The following ABL1 variants were observed in gnomAD, a reference collection of about 807,000 sequenced individuals.
The protein encoded by ABL1 is tyrosine-protein kinase ABL1.
ABL1 carries 11 observed loss-of-function variants against 94.7 expected under a neutral mutation model. The ratio of observed to expected loss-of-function variants is 0.12; its 90% CI spans 0.07 to 0.19. ABL1 has a LOEUF of 0.19. ABL1 is among the 10% of genes least tolerant of loss of function. The pLI, the probability that ABL1 is intolerant of heterozygous loss-of-function variation, is 1.00. For missense variants in ABL1, 1,082 were observed against 1,489.4 expected (o/e 0.73, Z 4.50); for synonymous variants, 656 against 622.4 (o/e 1.05, Z -0.80).
chr9:130,804,508 C>T (rs998060063), intron 1 of ABL1, among the ~76,000 whole-genome samples: 8 of 152,092 alleles, frequency 5.3e-5, no homozygotes, highest in Admixed American at 2.6e-4. Context: ...CGCTTGAACC[C>T]GGGAGGTGGA....
chr9:130,834,066 T>G (rs902818165), upstream of ABL1: 8 of 456,126 alleles, frequency 1.8e-5, no homozygotes, highest in East Asian at 6.9e-5. Context: ...TCCGCCTGTT[T>G]CCAGCTGTGG....
chr9:130,793,172 C>T (rs1039524489), intron 1 of ABL1, among the ~76,000 whole-genome samples: 13 of 152,158 alleles, frequency 8.5e-5, no homozygotes, highest in Admixed American at 4.6e-4. Context: ...GTGATCTGCC[C>T]GCCTCAGTCT....
chr9:130,730,150 T>A (rs1831644866), intron 1 of ABL1, among the ~76,000 whole-genome samples: 1 of 151,516 alleles, frequency 6.6e-6, no homozygotes, highest in Non-Finnish European at 1.5e-5. Flanking sequence ...TTCAAGTGAT[T>A]CCCCTGCCTC....
At chr9:130,883,873 T>C in intron 10 of ABL1, 96 bp from the exon 11 acceptor site, 1 of 1,423,418 alleles carries the variant, frequency 7.0e-7, no homozygotes, top group Non-Finnish European at 9.5e-7. Flanking sequence ...TGGGCTGGAG[T>C]GCAGCAGTGG....
At chr9:130,882,881 A>C (rs929085790) in intron 10 of ABL1, among the ~76,000 whole-genome samples, 3 of 152,122 alleles carry the variant, frequency 2.0e-5, no homozygotes, top group Non-Finnish European at 4.4e-5. Context: ...AAGAGTGCCC[A>C]TTAAAAAACT....
chr9:130,760,535 G>A lies in ABL1; in HGVS notation c.136+46080G>A, dbSNP rs147104332. ...ACATCACTGACCCTCATAAAATAAC[G>A]GAAAATATTGGGAGATGACTTTTCT... On this transcript the variant is annotated intron_variant, in intron 1 of 10. Transcript: ENST00000372348. Among the ~76,000 whole-genome samples the A allele has an allele frequency of 3.1e-3, 468 of 152,198 alleles. 6 individuals carry two copies. Among genetic ancestry groups the A allele is most frequent in the African/African-American group, 0.011 (451 of 41,520 alleles).
At chr9:130,744,892 C>T (rs1022048995) in intron 1 of ABL1, among the ~76,000 whole-genome samples, 9 of 151,346 alleles carry the variant, frequency 5.9e-5, no homozygotes, top group Non-Finnish European at 7.4e-5. Flanking sequence ...TCTTTTCTCT[C>T]TGGTTTCTTT....
intron 1 of ABL1, among the ~76,000 whole-genome samples, chr9:130,816,725 A>G (rs547048075): frequency 2.6e-4 from 40 of 152,128 alleles, no homozygotes; most frequent in Non-Finnish European, 4.9e-4. Flanking sequence ...AACCTGAGAC[A>G]GAGTCTTGCT....
chr9:130,837,558 A>C (rs1830607958), intron 1 of ABL1, among the ~76,000 whole-genome samples: 1 of 152,182 alleles, frequency 6.6e-6, no homozygotes, highest in South Asian at 2.1e-4. Context: ...TCAAAAAAAA[A>C]AAAAAGTTCT....
chr9:130,846,113 G>C (rs1296608818), intron 1 of ABL1, among the ~76,000 whole-genome samples: 3 of 148,716 alleles, frequency 2.0e-5, no homozygotes, highest in Non-Finnish European at 4.5e-5. Context: ...GTGTGTGCTT[G>C]TGTGTGTGTG....
At chr9:130,796,976 G>A (rs562823309) in intron 1 of ABL1, among the ~76,000 whole-genome samples, 2 of 144,988 alleles carry the variant, frequency 1.4e-5, no homozygotes, top group Admixed American at 7.0e-5. Flanking sequence ...AGTGGCTCAC[G>A]CCTGTAATCC....
At position 130,725,941 on chromosome 9, in the gene ABL1, C is replaced by T. The variant is rs549716473; in HGVS notation, c.136+11486C>T. 8.9e-5 allele frequency among the ~76,000 whole-genome samples: 13 copies of T among 146,770 alleles called. No homozygotes were observed. In the South Asian group the frequency reaches 1.1e-3, roughly 13 times the overall value. The stretch of plus-strand genomic sequence containing the variant: ...CAAGCTTGCTACAACCTTGACCTCC[C>T]GGGCTCAGGCAGTCCTCCCACCTCA... On this transcript the variant is annotated intron_variant, in intron 1 of 10. Coordinates refer to the ABL1 transcript ENST00000372348.
At chr9:130,726,901 TATCACATAAGTTC>T (rs1831593533) in intron 1 of ABL1, among the ~76,000 whole-genome samples, 1 of 152,270 alleles carries the variant, frequency 6.6e-6, no homozygotes, top group Non-Finnish European at 1.5e-5. Flanking sequence ...GCGTTAGCTC[TATCACATAAGTTC>T]ATCACATAAG....
chr9:130,716,241 C>T (rs912104624), intron 1 of ABL1, among the ~76,000 whole-genome samples: 11 of 151,524 alleles, frequency 7.3e-5, no homozygotes, highest in African/African-American at 1.9e-4. Flanking sequence ...ACTACAGGCA[C>T]GCGTCACTGA....
chr9:130,725,836 T>TGTTG (rs1387982146), intron 1 of ABL1, among the ~76,000 whole-genome samples: 26,709 of 119,238 alleles, frequency 0.22, 4,048 homozygotes, highest in East Asian at 0.53. Context: ...TTTTTTTTTT[T>TGTTG]TTTTTTTTTT....
At chr9:130,719,506 T>C (rs1831489006) in intron 1 of ABL1, among the ~76,000 whole-genome samples, 1 of 152,168 alleles carries the variant, frequency 6.6e-6, no homozygotes. Context: ...ACTCCCAGCC[T>C]GGGCGACGGA....
At chr9:130,769,329 C>CTTTTTTTTTTTTTTTTTTTTTT (rs372838676) in intron 1 of ABL1, among the ~76,000 whole-genome samples, 4 of 84,320 alleles carry the variant, frequency 4.7e-5, no homozygotes, top group Non-Finnish European at 9.1e-5. Context: ...TGGCCCTAGT[C>CTTTTTTTTTTTTTTTTTTTTTT]TTTTTTTTTT....
chr9:130,758,986 G>A (rs978920094), intron 1 of ABL1, among the ~76,000 whole-genome samples: 5 of 152,190 alleles, frequency 3.3e-5, no homozygotes, highest in African/African-American at 9.7e-5. Context: ...TTGGCTTTGG[G>A]AAGTGCTTTG....
At chr9:130,817,253 G>A (rs572596501) in intron 1 of ABL1, among the ~76,000 whole-genome samples, 51 of 152,240 alleles carry the variant, frequency 3.3e-4, no homozygotes, top group African/African-American at 1.2e-3. Context: ...TCAAAGACCT[G>A]TGCTAACATT....
Sources: gnomAD v4.1 joint callset for allele counts (sites outside exome capture counted in the v4.1 genomes callset) on GRCh38, gnomAD v4.1.1 for gene constraint, MANE v1.5 for transcripts, NCBI Gene and HGNC (gene_info 2026-07-23, HGNC 2026-07-21) for gene names.